Variants in MYO18B observed in about 807,000 individuals in gnomAD.
MYO18B encodes myosin XVIIIB.
Under a neutral mutation model 273.0 loss-of-function variants are expected in MYO18B, and 204 were observed. The observed-to-expected ratio is 0.75, with a 90% CI of 0.67 to 0.84. The LOEUF (loss-of-function observed/expected upper bound fraction) is 0.84, where lower values mean the gene tolerates loss of function less well. MYO18B is among the 40% of genes least tolerant of loss of function. The pLI is 0.00. For missense variants in MYO18B, 3,212 were observed against 3,287.6 expected (o/e 0.98, Z 0.56); for synonymous variants, 1,330 against 1,305.7 (o/e 1.02, Z -0.40).
chr22:25,860,944 A>C (rs929598733), intron 21 of MYO18B, among the ~76,000 whole-genome samples: 1 of 151,254 alleles, frequency 6.6e-6, no homozygotes, highest in East Asian at 1.9e-4. Flanking sequence ...GCTGGAGTGC[A>C]GTGGCACGAT....
intron 25 of MYO18B, among the ~76,000 whole-genome samples, chr22:25,889,021 G>C (rs1213666383): frequency 6.6e-6 from 1 of 151,622 alleles, no homozygotes; most frequent in African/African-American, 2.4e-5. Context: ...GAAAATTGGA[G>C]TTCCCTGTGA....
intron 1 of MYO18B, among the ~76,000 whole-genome samples, chr22:25,743,916 GC>G (rs1943673686): frequency 6.6e-6 from 1 of 152,190 alleles, no homozygotes; most frequent in Non-Finnish European, 1.5e-5. Context: ...GGGGCAGGAG[GC>G]GGGGGGCTGT....
At chr22:26,063,799 T>C in the MYO18B span, among the ~76,000 whole-genome samples, 3 of 152,242 alleles carry the variant, frequency 2.0e-5, no homozygotes, top group Non-Finnish European at 4.4e-5. Context: ...CATAAAGGGT[T>C]AAGAACTAAA....
rs778189259 is a variant in MYO18B at position 25,932,411 on chromosome 22, CT to C, written c.5517+11012del. Among the ~76,000 whole-genome samples the C allele has an allele frequency of 7.4e-5, 6 of 81,450 alleles. No homozygotes were observed. In the East Asian group the frequency reaches 9.2e-4, roughly 12 times the overall value. 53.4% of individuals were successfully genotyped at this position (81,450 alleles called of 152,430 possible). A position where few individuals can be genotyped will look rare whatever the true frequency, so the allele number is the denominator to read the frequency against. ...TTTTCTTTTCTTTTTTCTTTTCTTT[CT>C]TTTTTTTTTCTTTGAGACACAGTTT... On this transcript the variant is annotated intron_variant, in intron 34 of 43. Transcript: ENST00000335473.
At chr22:25,742,403 C>CT (rs2085653432) in intron 1 of MYO18B, 110 bp downstream of exon 1, 1 of 152,092 alleles carries the variant, frequency 6.6e-6, no homozygotes, top group South Asian at 2.1e-4. Flanking sequence ...GTCTTTTGGT[C>CT]TATTTTAGGC....
Position 25,983,823 on chromosome 22 carries a change from G to T in MYO18B, c.6157-8540G>T, listed in dbSNP as rs1004640917. ...CCATGAAGCCCATTTCCTCTGGGCA[G>T]CGCTATTGAGGTCTCACTTCCCATT... is the stretch of plus-strand genomic sequence containing the variant. On this transcript the variant is annotated intron_variant, in intron 39 of 43. Coordinates refer to ENST00000335473, the MANE Select transcript of MYO18B (RefSeq NM_032608.7). 3.9e-5 allele frequency among the ~76,000 whole-genome samples: 6 copies of T among 152,222 alleles called. No individual in the cohort carries two copies. In the East Asian group the frequency reaches 1.2e-3, roughly 29 times the overall value.
In MYO18B at chr22:26,026,548, G is replaced by C. The variant is rs369440294; in HGVS notation, c.6574G>C (p.Val2192Leu). 3 of 1,613,780 alleles carry C rather than the reference G, an allele frequency of 1.9e-6. No homozygotes were observed. The highest frequency in any genetic ancestry group is 1.3e-5 in the African/African-American group (1 of 74,908). Reference protein sequence around the residue: ...VHSKTSGDKPVSPHFVRRQKY... With the variant: ...VHSKTSGDKPLSPHFVRRQKY... ...CAGCAAGACCTCAGGAGACAAGCCTGTTTCTCCCCACTTTGTCCGCCGGCA... is the reference window on the plus strand; with the variant it reads ...CAGCAAGACCTCAGGAGACAAGCCTCTTTCTCCCCACTTTGTCCGCCGGCA... Residue 2192 changes from valine (V) to leucine (L), a missense_variant, in exon 43 of 44, where the codon GTT becomes CTT. Val to Leu is a conservative substitution (Grantham distance 32). Coordinates refer to ENST00000335473, the MANE Select transcript of MYO18B (RefSeq NM_032608.7).
intron 12 of MYO18B, among the ~76,000 whole-genome samples, chr22:25,799,480 A>G (rs865935943): frequency 6.6e-6 from 1 of 152,148 alleles, no homozygotes; most frequent in South Asian, 2.1e-4. Context: ...GACTTTGTCT[A>G]GCTCTTATCA....
chr22:25,937,425 G>A (rs545324731), intron 34 of MYO18B, among the ~76,000 whole-genome samples: 30 of 152,156 alleles, frequency 2.0e-4, no homozygotes, highest in Non-Finnish European at 3.4e-4. Context: ...GTCTGGAGCA[G>A]AATGTCATGA....
chr22:25,779,143 A>G (rs897192106), intron 8 of MYO18B, among the ~76,000 whole-genome samples: 19 of 152,156 alleles, frequency 1.2e-4, no homozygotes, highest in Non-Finnish European at 2.5e-4. Context: ...TTTTTTTACC[A>G]CCACTTCTAA....
chr22:25,914,230 T>C (rs186784604), intron 33 of MYO18B, among the ~76,000 whole-genome samples: 42 of 152,324 alleles, frequency 2.8e-4, no homozygotes, highest in Middle Eastern at 3.4e-3. Context: ...GTTTTTAAAA[T>C]TGCCTGTTTT....
intron 36 of MYO18B, among the ~76,000 whole-genome samples, chr22:25,948,905 G>A (rs915517462): frequency 2.6e-5 from 4 of 151,982 alleles, no homozygotes; most frequent in Admixed American, 2.0e-4. Context: ...CAAAGAATAG[G>A]AGTCACTTAG....
chr22:25,798,194 A>G (rs2088015471), intron 12 of MYO18B, 97 bp downstream of exon 12: 5 of 1,387,346 alleles, frequency 3.6e-6, no homozygotes, highest in Admixed American at 2.7e-5. Flanking sequence ...AACAGGGTCA[A>G]TCTGTCACCT....
chr22:25,970,807 C>T (rs1009302656), intron 39 of MYO18B, among the ~76,000 whole-genome samples: 8 of 145,882 alleles, frequency 5.5e-5, no homozygotes, highest in Non-Finnish European at 1.0e-4. Flanking sequence ...AAGCGTCCTG[C>T]TGGAGAGAGA....
At chr22:25,783,242 T>C (rs1461981597) in intron 10 of MYO18B, among the ~76,000 whole-genome samples, 4 of 152,140 alleles carry the variant, frequency 2.6e-5, no homozygotes, top group Admixed American at 2.6e-4. Flanking sequence ...GAGACATGGG[T>C]TTGATCTGGG....
In MYO18B at chr22:25,947,487, T is replaced by TAC. The variant is rs57844236; in HGVS notation, c.5632-170_5632-169dup. The stretch of plus-strand genomic sequence containing the variant: ...ATTCATAGTCACATGTAATGCCTAA[T>TAC]ACACACACACACACACACACACACA... On this transcript the variant is annotated intron_variant, in intron 35 of 43. Coordinates refer to ENST00000335473, the MANE Select transcript of MYO18B (RefSeq NM_032608.7). Among the ~76,000 whole-genome samples the TAC allele has an allele frequency of 0.082, 9,052 of 109,990 alleles. 486 individuals are homozygous for TAC. The highest frequency in any genetic ancestry group is 0.094 in the Non-Finnish European group (4,967 of 52,758). The allele number at this position is 109,990 out of a possible 152,430, so 72.2% of individuals were successfully genotyped here.
chr22:26,029,196 C>A (rs1936520045), intron 43 of MYO18B, among the ~76,000 whole-genome samples: 1 of 152,188 alleles, frequency 6.6e-6, no homozygotes. Context: ...CTTCGTAAAT[C>A]TCCCAGTCAC....
At chr22:26,035,906 A>G (rs1936768838), downstream of MYO18B, among the ~76,000 whole-genome samples, 2 of 152,242 alleles carry the variant, frequency 1.3e-5, no homozygotes, top group Non-Finnish European at 1.5e-5. Flanking sequence ...TTCCTGAGAA[A>G]GGAACTCAGA....
chr22:25,780,234 G>T (rs1393175301), intron 9 of MYO18B, 36 bp downstream of exon 9: 21 of 1,577,854 alleles, frequency 1.3e-5, no homozygotes, highest in Non-Finnish European at 1.6e-5. Context: ...GGGGGCCCTT[G>T]GGGCTGCTGT....
Sources: allele counts gnomAD v4.1 joint callset (sites outside exome capture counted in the v4.1 genomes callset), GRCh38; gene constraint gnomAD v4.1.1; transcripts MANE v1.5; gene names NCBI Gene and HGNC (gene_info 2026-07-23, HGNC 2026-07-21).